Variants in DAB1 observed in about 807,000 individuals in gnomAD.
DAB1 encodes disabled homolog 1.
A neutral mutation model predicts 64.6 loss-of-function variants in DAB1; 15 were observed. The observed-to-expected ratio is 0.23, with a 90% CI of 0.16 to 0.36. The LOEUF (loss-of-function observed/expected upper bound fraction) is 0.36, where lower values mean the gene tolerates loss of function less well. Among genes scored for constraint, DAB1 ranks in the 10% least tolerant of loss-of-function variants. DAB1 has a pLI of 1.00. For synonymous variants in DAB1, 235 were observed against 251.9 expected (o/e 0.93, Z 0.64); for missense variants, 596 against 706.7 (o/e 0.84, Z 1.78).
chr1:57,595,493 C>T (rs1188711217), intron 7 of DAB1, among the ~76,000 whole-genome samples: 1 of 152,088 alleles, frequency 6.6e-6, no homozygotes, highest in East Asian at 1.9e-4. Context: ...TACTCTCCTT[C>T]TCTGGGAGGC....
chr1:57,909,854 T>A (rs1644614101), intron 5 of DAB1, among the ~76,000 whole-genome samples: 2 of 152,210 alleles, frequency 1.3e-5, no homozygotes, highest in South Asian at 4.1e-4. Flanking sequence ...TACAATCAAC[T>A]CAGACTGAAG....
Position 57,032,495 on chromosome 1 carries a change from CG to C in DAB1, c.724-6453del, listed in dbSNP as rs1646995514. Among the ~76,000 whole-genome samples the C allele has an allele frequency of 3.9e-5, 6 of 152,138 alleles. No individual in the cohort carries two copies. The South Asian group carries it at 1.2e-3, about 32-fold the overall frequency. On this transcript the variant is annotated intron_variant, in intron 9 of 14. Coordinates refer to ENST00000371236, the MANE Select transcript of DAB1 (RefSeq NM_001365792.1). ...TCCTTCTCCCACACATCCTTCAGGACGCAAATTAGAAGGCTTTCTGTTTTGC... is the reference window on the plus strand; with the variant it reads ...TCCTTCTCCCACACATCCTTCAGGACCAAATTAGAAGGCTTTCTGTTTTGC...
At chr1:57,314,671 T>A (rs2100744227) in intron 1 of DAB1, among the ~76,000 whole-genome samples, 1 of 152,042 alleles carries the variant, frequency 6.6e-6, no homozygotes, top group African/African-American at 2.4e-5. Flanking sequence ...TGGTCCCAAC[T>A]ACTTGGGAAG....
chr1:57,567,898 C>T (rs1645143096), intron 7 of DAB1, among the ~76,000 whole-genome samples: 1 of 152,182 alleles, frequency 6.6e-6, no homozygotes, highest in Non-Finnish European at 1.5e-5. Flanking sequence ...CTACAAATGA[C>T]TTTCTTCACA....
At chr1:58,039,702 G>A (rs1004951575) in intron 5 of DAB1, among the ~76,000 whole-genome samples, 1 of 152,130 alleles carries the variant, frequency 6.6e-6, no homozygotes, top group Non-Finnish European at 1.5e-5. Context: ...AGGCAGTGTG[G>A]CCCGGTAGTG....
intron 4 of DAB1, among the ~76,000 whole-genome samples, chr1:58,295,660 T>C (rs1017116492): frequency 9.8e-5 from 15 of 152,292 alleles, no homozygotes; most frequent in African/African-American, 3.6e-4. Flanking sequence ...GTTTGTTTTA[T>C]TTATTGTTTT....
chr1:58,139,089 T>C (rs2100711134), intron 5 of DAB1, among the ~76,000 whole-genome samples: 1 of 152,288 alleles, frequency 6.6e-6, no homozygotes, highest in Non-Finnish European at 1.5e-5. Context: ...ATTATAGACC[T>C]GGCAGCTCCT....
chr1:57,484,371 G>A lies in DAB1; in HGVS notation n.625+165221C>T, dbSNP rs981757495. Among the ~76,000 whole-genome samples the A allele has an allele frequency of 3.9e-5, 6 of 152,322 alleles. No individual in the cohort carries two copies. The East Asian group carries it at 7.7e-4, about 20-fold the overall frequency. On this transcript the variant is annotated intron_variant and non_coding_transcript_variant, in intron 7 of 20. Transcript: ENST00000485760. ...TTGTAAATACCCCTCAGGCTGCTAC[G>A]TAGAAAACAGCTTGTGGGGAGTGGG...
chr1:57,249,588 T>C (rs1669166671), intron 2 of DAB1, among the ~76,000 whole-genome samples: 2 of 152,152 alleles, frequency 1.3e-5, no homozygotes, highest in Non-Finnish European at 2.9e-5. Flanking sequence ...CCCTGGCTGG[T>C]CTCAAACTCC....
chr1:57,411,723 T>C (rs560945956), intron 1 of DAB1, among the ~76,000 whole-genome samples: 7 of 152,202 alleles, frequency 4.6e-5, no homozygotes, highest in African/African-American at 7.2e-5. Flanking sequence ...CACTGGCCCA[T>C]TGGGACAAAA....
At chr1:57,994,666 G>C (rs567211227) in intron 5 of DAB1, among the ~76,000 whole-genome samples, 3 of 152,288 alleles carry the variant, frequency 2.0e-5, no homozygotes, top group South Asian at 4.1e-4. Context: ...GGAATAGACA[G>C]GCACATTCAG....
At chr1:58,402,742 A>G (rs1181069858) in intron 3 of DAB1, among the ~76,000 whole-genome samples, 2 of 152,160 alleles carry the variant, frequency 1.3e-5, no homozygotes, top group Non-Finnish European at 2.9e-5. Flanking sequence ...CGTACTAGGC[A>G]CTATGCTAGG....
intron 9 of DAB1, among the ~76,000 whole-genome samples, chr1:57,058,439 A>G (rs1375374035): frequency 6.6e-6 from 1 of 152,118 alleles, no homozygotes; most frequent in Non-Finnish European, 1.5e-5. Flanking sequence ...TCATTTGTTC[A>G]TTTATTTTTA....
intron 5 of DAB1, among the ~76,000 whole-genome samples, chr1:58,126,563 G>C (rs528020975): frequency 6.6e-6 from 1 of 150,510 alleles, no homozygotes; most frequent in Non-Finnish European, 1.5e-5. Context: ...CCACTAACTC[G>C]TCATCTAGCA....
intron 1 of DAB1, among the ~76,000 whole-genome samples, chr1:57,353,428 T>C (rs1401481019): frequency 6.6e-6 from 1 of 152,104 alleles, no homozygotes; most frequent in African/African-American, 2.4e-5. Flanking sequence ...ATCCTTGAGA[T>C]GAATGGCAAG....
At chr1:57,363,467 G>A (rs1679716699) in intron 1 of DAB1, among the ~76,000 whole-genome samples, 1 of 151,622 alleles carries the variant, frequency 6.6e-6, no homozygotes, top group African/African-American at 2.4e-5. Flanking sequence ...CATTAAATGG[G>A]GAGCAGGTGG....
At position 58,166,862 on chromosome 1, in the gene DAB1, C is replaced by T. The variant is rs190273289; in HGVS notation, n.310-16274G>A. On this transcript the variant is annotated intron_variant and non_coding_transcript_variant, in intron 4 of 20. Transcript: ENST00000485760. Reference sequence around the variant, plus strand: ...CCAGGTTCAAGTGATTCTCATGCCTCAGCCTCGAGAGTAGCTGGAATTACA... The same window carrying T: ...CCAGGTTCAAGTGATTCTCATGCCTTAGCCTCGAGAGTAGCTGGAATTACA... Among the ~76,000 whole-genome samples, 4 of 151,714 alleles carry T rather than the reference C, an allele frequency of 2.6e-5. No homozygotes were observed. The East Asian group carries it at 7.8e-4, about 29-fold the overall frequency.
chr1:57,147,373 A>G (rs74074205), intron 2 of DAB1, among the ~76,000 whole-genome samples: 1,904 of 152,036 alleles, frequency 0.013, 16 homozygotes, highest in South Asian at 0.032. Flanking sequence ...GGAGGCAGAG[A>G]GAAGGAATGT....
At chr1:57,923,428 T>C (rs763609596) in intron 5 of DAB1, among the ~76,000 whole-genome samples, 3 of 152,228 alleles carry the variant, frequency 2.0e-5, no homozygotes, top group South Asian at 2.1e-4. Flanking sequence ...TCAGTGTCTA[T>C]GACCTGGGGA....
Sources: allele counts gnomAD v4.1 joint callset (sites outside exome capture counted in the v4.1 genomes callset), GRCh38; gene constraint gnomAD v4.1.1; transcripts MANE v1.5; gene names NCBI Gene and HGNC (gene_info 2026-07-23, HGNC 2026-07-21).